Variants in ABCB4 observed in about 807,000 individuals in gnomAD.
The protein encoded by ABCB4 is phosphatidylcholine translocator ABCB4.
Under a neutral mutation model 145.7 loss-of-function variants are expected in ABCB4, and 76 were observed. That is an observed-to-expected ratio of 0.52 (90% CI 0.43 to 0.63). The LOEUF (loss-of-function observed/expected upper bound fraction) is 0.63. ABCB4 is among the 30% of genes least tolerant of loss of function. The pLI is 0.00. For synonymous variants in ABCB4, 517 were observed against 566.8 expected, an observed-to-expected ratio of 0.91 and a Z score of 1.25; for missense variants, 1,234 against 1,553.1, an observed-to-expected ratio of 0.79 and a Z score of 3.45.
intron 14 of ABCB4, among the ~76,000 whole-genome samples, chr7:87,432,968 A>G (rs554985693): frequency 6.6e-6 from 1 of 152,326 alleles, no homozygotes; most frequent in South Asian, 2.1e-4. Flanking sequence ...TTAGCATATA[A>G]AAAGCTACAG....
At chr7:87,473,191 G>C (rs571708506) in intron 2 of ABCB4, among the ~76,000 whole-genome samples, 29 of 152,300 alleles carry the variant, frequency 1.9e-4, no homozygotes, top group African/African-American at 5.8e-4. Context: ...CTAGCAGTCA[G>C]AGTAATTATT....
At position 87,426,104 on chromosome 7, in the gene ABCB4, T is replaced by G. The variant is rs539842860; in HGVS notation, c.2064+646A>C. Among the ~76,000 whole-genome samples, 6 of 152,280 alleles carry G rather than the reference T, an allele frequency of 3.9e-5. No homozygotes were observed. The South Asian group carries it at 1.2e-3, about 32-fold the overall frequency. On this transcript the variant is annotated intron_variant, in intron 16 of 27. Coordinates refer to ENST00000649586, the MANE Select transcript of ABCB4 (RefSeq NM_000443.4). Reference sequence around the variant, plus strand: ...CGAATTATGACCAATGACTTATAAGTAATAGTATTGTGTGGGAATTCTGGA... The same window carrying G: ...CGAATTATGACCAATGACTTATAAGGAATAGTATTGTGTGGGAATTCTGGA...
chr7:87,375,202 A>G, the ABCB4 span: 3 of 157,144 alleles, frequency 1.9e-5, no homozygotes, highest in South Asian at 1.9e-4. Flanking sequence ...TTGAGTATAC[A>G]GTAAGTCCTC....
At chr7:87,420,155 G>T in intron 18 of ABCB4, 80 bp from the exon 19 acceptor site, 1 of 1,349,990 alleles carries the variant, frequency 7.4e-7, no homozygotes, top group Non-Finnish European at 1.1e-6. Flanking sequence ...CAACTTTTAT[G>T]TAGCAAAGTT....
At position 87,422,162 on chromosome 7, in the gene ABCB4, AG is replaced by A; in HGVS notation, c.2274del (p.Leu759TyrfsTer38). The A allele has an allele frequency of 6.2e-7, 1 of 1,613,522 alleles. No homozygotes were observed. Among genetic ancestry groups the A allele is most frequent in the Non-Finnish European group, 8.5e-7 (1 of 1,179,628 alleles). On this transcript the variant is annotated frameshift_variant, in exon 18 of 28. Transcript: ENST00000649586. LOFTEE classifies it high-confidence loss of function. Reference protein sequence around the residue: ...QQKCNIFSLIFLFLGIISFFT... With the variant: ...QQKCNIFSLIXLFLGIISFFT... ...AAAAAAGAAATAATTCCCAGAAATA[AG>A]AAAATCAAAGAGAATATGTTGCACT...
intron 14 of ABCB4, 29 bp from the exon 15 acceptor site, chr7:87,431,594 G>T: frequency 5.0e-6 from 8 of 1,613,758 alleles, no homozygotes; most frequent in Non-Finnish European, 6.8e-6. Flanking sequence ...GGTGCATCAG[G>T]GTTACAGTAT....
At chr7:87,385,261 T>C in the ABCB4 span, among the ~76,000 whole-genome samples, 3 of 152,256 alleles carry the variant, frequency 2.0e-5, no homozygotes, top group African/African-American at 4.8e-5. Flanking sequence ...AGGAATTGCA[T>C]TGAATATGTA....
chr7:87,400,120 A>T (rs1807716750), downstream of ABCB4, among the ~76,000 whole-genome samples: 1 of 152,166 alleles, frequency 6.6e-6, no homozygotes, highest in South Asian at 2.1e-4. Flanking sequence ...TGAGAGGTGA[A>T]GGTCCCTTGA....
intron 10 of ABCB4, among the ~76,000 whole-genome samples, chr7:87,444,619 A>G (rs1169212850): frequency 1.3e-5 from 2 of 152,226 alleles, no homozygotes; most frequent in African/African-American, 2.4e-5. Context: ...GCACTAGTGC[A>G]GATGTCCTTT....
chr7:87,412,631 A>C (rs1320643277), intron 22 of ABCB4, among the ~76,000 whole-genome samples: 1 of 152,210 alleles, frequency 6.6e-6, no homozygotes, highest in Non-Finnish European at 1.5e-5. Flanking sequence ...CTCCAAAAGA[A>C]CTATAATTGA....
Position 87,454,688 on chromosome 7 carries a change from A to AAGCTAGAAGATGCT in ABCB4, c.287-110_287-97dup, listed in dbSNP as rs1811995538. The stretch of plus-strand genomic sequence containing the variant: ...ATCTGTTAATAATTTAAATGTATGA[A>AAGCTAGAAGATGCT]AGCTAGAAGATGCTATTGTTAAGTT... On this transcript the variant is annotated intron_variant, in intron 4 of 27. Coordinates refer to ENST00000649586, the MANE Select transcript of ABCB4 (RefSeq NM_000443.4). 5 of 896,646 alleles carry AAGCTAGAAGATGCT rather than the reference A, an allele frequency of 5.6e-6. No homozygotes were observed. In the South Asian group the frequency reaches 7.8e-5, roughly 14 times the overall value. The allele number at this position is 896,646 out of a possible 1,614,324, so 55.5% of individuals were successfully genotyped here. A position where few individuals can be genotyped will look rare whatever the true frequency, so the allele number is the denominator to read the frequency against.
rs45575433 is a variant in ABCB4 at position 87,437,521 on chromosome 7, T to A, written c.1731+2146A>T. Among the ~76,000 whole-genome samples the A allele has an allele frequency of 1.7e-4, 26 of 152,204 alleles. No homozygotes were observed. The East Asian group carries it at 3.7e-3, about 21-fold the overall frequency. On this transcript the variant is annotated intron_variant, in intron 14 of 27. Transcript: ENST00000649586. ...GGTAACCAATTTAGCAACCAAAAAATAATAATAATAATAATCCTGGTAATG... is the reference window on the plus strand; with the variant it reads ...GGTAACCAATTTAGCAACCAAAAAAAAATAATAATAATAATCCTGGTAATG...
chr7:87,392,633 C>T, the ABCB4 span: 1 of 1,613,044 alleles, frequency 6.2e-7, no homozygotes, highest in Non-Finnish European at 8.5e-7. Context: ...AAAGATTGTT[C>T]AGCTGGAAAA....
In ABCB4 at chr7:87,439,718, C is replaced by T. The variant is rs1256259988; in HGVS notation, c.1680G>A (p.Thr560=). 11 of 1,614,146 alleles carry T rather than the reference C, an allele frequency of 6.8e-6. No individual in the cohort carries two copies. In the East Asian group the frequency reaches 1.1e-4, roughly 16 times the overall value. Residue 560 remains threonine (T), a synonymous_variant, in exon 14 of 28, where the codon ACG becomes ACA. Transcript: ENST00000649586. ...CTTCACTTTCTGTGTCCAATGCTGACGTGGCCTCATCCAGCAGAAGGATCT... is the reference window on the plus strand; with the variant it reads ...CTTCACTTTCTGTGTCCAATGCTGATGTGGCCTCATCCAGCAGAAGGATCT... ...NPKILLLDEA[T]SALDTESEAE... is the part of the protein sequence containing the mutation.
At chr7:87,366,354 T>C in the ABCB4 span, among the ~76,000 whole-genome samples, 3 of 151,892 alleles carry the variant, frequency 2.0e-5, no homozygotes, top group East Asian at 5.8e-4. Flanking sequence ...TTAGCCTTTT[T>C]GGGGAAAAAA....
Position 87,431,468 on chromosome 7 carries a change from T to G in ABCB4, c.1829A>C (p.Glu610Ala). The G allele has an allele frequency of 6.2e-7, 1 of 1,614,176 alleles. No individual in the cohort carries two copies. The highest frequency in any genetic ancestry group is 2.2e-5 in the East Asian group (1 of 44,886). The change falls in exon 15 of 28, where the codon GAG becomes GCG. Residue 610 changes from glutamate to alanine, a missense_variant. Glu to Ala is a moderately radical substitution (Grantham distance 107). This residue lies in a region of ABCB4 where 321 missense variants were observed against 332.6 expected (regional missense o/e 0.97). Coordinates refer to ENST00000649586, the MANE Select transcript of ABCB4 (RefSeq NM_000443.4). ...CATCAGTTCGCTGTGGCTTCCTTGC[T>G]CCACAATTACTCCATCCTCAAACCC... ...IAGFEDGVIV[E>A]QGSHSELMKK...
intron 21 of ABCB4, among the ~76,000 whole-genome samples, chr7:87,415,241 C>T (rs1403384643): frequency 2.0e-5 from 3 of 152,126 alleles, no homozygotes; most frequent in Non-Finnish European, 4.4e-5. Flanking sequence ...CCAACACCCT[C>T]ACTACCAAGC....
chr7:87,424,997 A>T (rs1287712805), intron 16 of ABCB4, among the ~76,000 whole-genome samples: 47 of 152,122 alleles, frequency 3.1e-4, no homozygotes, highest in Non-Finnish European at 1.6e-4. Context: ...AGTAGGTTCT[A>T]CTGAGCCTTC....
In ABCB4 at chr7:87,408,109, G is replaced by A. The variant is rs749666244; in HGVS notation, c.3207C>T (p.Gly1069=). 4.3e-6 allele frequency: 7 copies of A among 1,614,228 alleles called. No individual in the cohort carries two copies. In the South Asian group the frequency reaches 7.7e-5, roughly 18 times the overall value. ...CCGTGCTCTTCCCACAGCCACTGCT[G>A]CCCACCAGGGCTAGTGTCTGGCCTT... is the stretch of plus-strand genomic sequence containing the variant. The part of the protein sequence containing the change: ...VKKGQTLALV[G]SSGCGKSTVV... The change falls in exon 25 of 28, where the codon GGC becomes GGT. Residue 1069 remains glycine, a synonymous_variant. Transcript: ENST00000649586.
Sources: allele counts gnomAD v4.1 joint callset (sites outside exome capture counted in the v4.1 genomes callset), GRCh38; gene constraint gnomAD v4.1.1; regional missense constraint gnomAD v4.1.1; transcripts MANE v1.5; gene names NCBI Gene and HGNC (gene_info 2026-07-23, HGNC 2026-07-21).